The following NEDD9 variants were observed in gnomAD, a reference collection of about 807,000 sequenced individuals.
NEDD9 encodes the protein neural precursor cell expressed, developmentally down-regulated 9, also known as enhancer of filamentation 1.
A neutral mutation model predicts 76.6 loss-of-function variants in NEDD9; 26 were observed. That is an observed-to-expected ratio of 0.34 (90% confidence interval 0.25 to 0.47). The LOEUF is 0.47. Ranked by LOEUF, NEDD9 falls within the 20% of genes least tolerant of loss-of-function variation. The pLI is 1.00. For synonymous variants in NEDD9, 392 were observed against 414.2 expected, an observed-to-expected ratio of 0.95 and a Z score of 0.65; for missense variants, 937 against 1,058.5, an observed-to-expected ratio of 0.89 and a Z score of 1.59.
chr6:11,344,911 C>A (rs1762336929), intron 1 of NEDD9, among the ~76,000 whole-genome samples: 1 of 152,108 alleles, frequency 6.6e-6, no homozygotes, highest in Non-Finnish European at 1.5e-5. Context: ...GGAAAAGAGT[C>A]GAAGTACTCA....
rs1762859920 is a variant in NEDD9 at position 11,370,719 on chromosome 6, C to A, written c.-214+11420G>T. 6.6e-6 allele frequency among the ~76,000 whole-genome samples: 1 copy of A among 152,208 alleles called. No individual in the cohort carries two copies. The highest frequency in any genetic ancestry group is 2.4e-5 in the African/African-American group (1 of 41,446). ...CTGGCTCACTCACTCGTTCCTTCAG[C>A]AGATGTCCCTCCAGCACCTCCCATG... On this transcript the variant is annotated intron_variant, in intron 1 of 3. Coordinates refer to the NEDD9 transcript ENST00000397378. The surrounding 1 kb of genome is among the most constrained non-coding windows in gnomAD (Gnocchi z 4.2).
At chr6:11,232,411 AG>A in intron 1 of NEDD9, 92 bp downstream of exon 1, 1 of 1,488,026 alleles carries the variant, frequency 6.7e-7, no homozygotes, top group Admixed American at 1.7e-5. Flanking sequence ...GGGACACACA[AG>A]GGACTGACAG....
In NEDD9 at chr6:11,190,417, C is replaced by G; in HGVS notation, c.1452G>C (p.Lys484Asn). 1 of 1,614,206 alleles carries G rather than the reference C, an allele frequency of 6.2e-7. No individual in the cohort carries two copies. Among genetic ancestry groups the G allele is most frequent in the Non-Finnish European group, 8.5e-7 (1 of 1,180,034 alleles). ...ACLPELILHN[K>N]MKRELQRVED... ...CAACTCGTTGCAGCTCCCGCTTCAT[C>G]TTGTTGTGGAGGATGAGTTCCGGGA... The change falls in exon 5 of 7, where the codon AAG (lysine) becomes AAC (asparagine). Residue 484 changes from lysine (K) to asparagine (N), a missense_variant. By Grantham distance (94) the Lys-to-Asn change is moderately conservative (BLOSUM62 0). Transcript: ENST00000379446. This position sits in a 1 kb window ranked among gnomAD's most constrained non-coding sequence, Gnocchi z 5.8.
intron 6 of NEDD9, among the ~76,000 whole-genome samples, chr6:11,187,312 C>T (rs1297909228): frequency 2.0e-5 from 3 of 152,206 alleles, no homozygotes; most frequent in Non-Finnish European, 4.4e-5. Flanking sequence ...AATAAATCCT[C>T]AATCCATCTC....
intron 1 of NEDD9, among the ~76,000 whole-genome samples, chr6:11,355,433 A>G (rs1019700550): frequency 3.3e-5 from 5 of 152,182 alleles, no homozygotes; most frequent in African/African-American, 1.2e-4. Flanking sequence ...ACAATAATAA[A>G]TCAGCCAAAA....
rs556568991 is a variant in NEDD9, at chr6:11,256,262, A to T, written c.13-42535T>A. 2.0e-5 allele frequency among the ~76,000 whole-genome samples: 3 copies of T among 152,270 alleles called. No homozygotes were observed. In the South Asian group the frequency reaches 6.2e-4, roughly 32 times the overall value. ...AAGCACCTGCCAAGGCAGGGCCCCC[A>T]TCTGGCTGGAATCTTCCCGGCGAGA... is the stretch of plus-strand genomic sequence containing the variant. On this transcript the variant is annotated intron_variant, in intron 3 of 3. Transcript: ENST00000397378.
chr6:11,214,789 G>A (rs939875221), intron 1 of NEDD9, among the ~76,000 whole-genome samples: 1 of 152,152 alleles, frequency 6.6e-6, no homozygotes, highest in Non-Finnish European at 1.5e-5. Context: ...ACAAGCCCTC[G>A]GAACACTAAA....
chr6:11,297,007 G>A lies in NEDD9; in HGVS notation c.12+8985C>T, dbSNP rs375542112. On this transcript the variant is annotated intron_variant, in intron 3 of 3. Transcript: ENST00000397378. Reference sequence around the variant, plus strand: ...GCCTCCCAAAGTGCTGGTATTATAGGCGTGAGCCACCACGCCCAGCCGATT... The same window carrying A: ...GCCTCCCAAAGTGCTGGTATTATAGACGTGAGCCACCACGCCCAGCCGATT... Among the ~76,000 whole-genome samples the A allele has an allele frequency of 1.7e-4, 26 of 152,320 alleles. No homozygotes were observed. The East Asian group carries it at 4.2e-3, about 25-fold the overall frequency.
intron 1 of NEDD9, 34 bp downstream of exon 1, chr6:11,232,470 C>G (rs1561800051): frequency 1.2e-6 from 2 of 1,613,894 alleles, no homozygotes; most frequent in South Asian, 2.2e-5. Context: ...CAGCTTTCAG[C>G]TTGCAAGGTA....
chr6:11,301,864 C>A (rs1430644216), intron 3 of NEDD9, among the ~76,000 whole-genome samples: 1 of 152,140 alleles, frequency 6.6e-6, no homozygotes, highest in African/African-American at 2.4e-5. Flanking sequence ...ACATTTAGAG[C>A]AGTGTGTAGA....
chr6:11,254,530 T>C (rs1243711624), intron 3 of NEDD9, among the ~76,000 whole-genome samples: 3 of 152,246 alleles, frequency 2.0e-5, no homozygotes, highest in Non-Finnish European at 4.4e-5. Flanking sequence ...TTTGGTTACA[T>C]AAATACATTC....
intron 3 of NEDD9, among the ~76,000 whole-genome samples, chr6:11,265,200 A>G (rs1554128915): frequency 6.6e-6 from 1 of 152,250 alleles, no homozygotes; most frequent in Non-Finnish European, 1.5e-5. Flanking sequence ...GTCAATATGA[A>G]ACTACGGGAT....
intron 3 of NEDD9, among the ~76,000 whole-genome samples, chr6:11,280,431 G>A (rs1391872515): frequency 1.3e-5 from 2 of 152,228 alleles, no homozygotes; most frequent in African/African-American, 4.8e-5. Flanking sequence ...CTTTCCAGCA[G>A]TCAGAACTGG....
At position 11,187,356 on chromosome 6, in the gene NEDD9, C is replaced by T. The variant is rs368975124; in HGVS notation, c.1995+862G>A. 5.3e-5 allele frequency among the ~76,000 whole-genome samples: 8 copies of T among 152,274 alleles called. No individual in the cohort carries two copies. In the South Asian group the frequency reaches 6.2e-4, roughly 12 times the overall value. On this transcript the variant is annotated intron_variant, in intron 6 of 6. Transcript: ENST00000379446. ...TGTATGCCCTTGTTCTAGCAATAGT[C>T]GTCATTATCTCCCCTACTCATACCC...
chr6:11,191,224 G>A lies in NEDD9; in HGVS notation c.664-19C>T, dbSNP rs763218790. The A allele has an allele frequency of 5.8e-6, 9 of 1,556,846 alleles. No homozygotes were observed. In the East Asian group the frequency reaches 1.8e-4, roughly 31 times the overall value. On this transcript the variant is annotated intron_variant, in intron 4 of 6. Coordinates refer to ENST00000379446, the MANE Select transcript of NEDD9 (RefSeq NM_006403.4). ...CATATACCTGCAAAGCAAGTAGAAA[G>A]CGAAATGCTATTTATTGAGTTGGCT...
At position 11,309,236 on chromosome 6, in the gene NEDD9, T is replaced by C. The variant is rs188263659; in HGVS notation, c.-152-3081A>G. On this transcript the variant is annotated intron_variant, in intron 2 of 3. Transcript: ENST00000397378. Reference sequence around the variant, plus strand: ...GCATCTGTGTTATTGCCTGTAGCTGTAGTTTGTAATTTGCATTGCTGTATG... The same window carrying C: ...GCATCTGTGTTATTGCCTGTAGCTGCAGTTTGTAATTTGCATTGCTGTATG... Among the ~76,000 whole-genome samples, 102 of 152,358 alleles carry C rather than the reference T, an allele frequency of 6.7e-4. 1 individual carries two copies. The highest frequency in any genetic ancestry group is 1.2e-3 in the Non-Finnish European group (80 of 68,032).
At chr6:11,338,288 C>T (rs1267027119) in intron 1 of NEDD9, among the ~76,000 whole-genome samples, 1 of 152,118 alleles carries the variant, frequency 6.6e-6, no homozygotes, top group African/African-American at 2.4e-5. Context: ...CAAGGAATGC[C>T]AAAGACGGCC....
chr6:11,355,973 G>A (rs993921568), intron 1 of NEDD9, among the ~76,000 whole-genome samples: 14 of 152,088 alleles, frequency 9.2e-5, no homozygotes, highest in Admixed American at 2.0e-4. Context: ...TGCCCACCTT[G>A]GCCTCCCAAA....
chr6:11,313,486 T>A (rs1337911027), intron 2 of NEDD9, among the ~76,000 whole-genome samples: 2 of 135,602 alleles, frequency 1.5e-5, no homozygotes, highest in East Asian at 3.9e-4. Flanking sequence ...GGTAGATAGA[T>A]GGATGGATGG....
Sources: gnomAD v4.1 joint callset for allele counts (sites outside exome capture counted in the v4.1 genomes callset) on GRCh38, gnomAD v4.1.1 for gene constraint, Gnocchi (gnomAD v3.1) non-coding constraint, MANE v1.5 for transcripts, NCBI Gene and HGNC (gene_info 2026-07-23, HGNC 2026-07-21) for gene names.